Variants in LYPD6B observed in about 807,000 individuals in gnomAD.
The protein encoded by LYPD6B is ly6/PLAUR domain-containing protein 6B.
Under a neutral mutation model 22.8 loss-of-function variants are expected in LYPD6B, and 17 were observed. The observed-to-expected ratio is 0.75, with a 90% CI of 0.51 to 1.12. The LOEUF (loss-of-function observed/expected upper bound fraction) is 1.12, where lower values mean the gene tolerates loss of function less well. Ranked by LOEUF, LYPD6B falls within the 50% of genes most tolerant of loss-of-function variation. The probability of loss-of-function intolerance (pLI) is 0.00; values close to 1 mark genes in which losing one functional copy is unlikely to be tolerated. For missense variants in LYPD6B, 221 were observed against 258.3 expected (o/e 0.86, Z 0.99); for synonymous variants, 106 against 91.6 (o/e 1.16, Z -0.90).
intron 2 of LYPD6B, among the ~76,000 whole-genome samples, chr2:149,143,310 G>A (rs678484): frequency 6.6e-6 from 1 of 150,552 alleles, no homozygotes; most frequent in African/African-American, 2.4e-5. Context: ...TTCTTGGCTC[G>A]TTGTATGTAA....
chr2:149,212,380 C>CAAAAAAAAAAA (rs386391473), intron 5 of LYPD6B, among the ~76,000 whole-genome samples: 19 of 60,128 alleles, frequency 3.2e-4, no homozygotes, highest in African/African-American at 9.0e-4. Context: ...GACTCCGTCT[C>CAAAAAAAAAAA]AAAAAAAAAA....
chr2:149,206,100 G>A lies in LYPD6B; in HGVS notation c.229+696G>A, dbSNP rs140889720. On this transcript the variant is annotated intron_variant, in intron 4 of 6. Transcript: ENST00000409642. ...TTATTTGGTATACATGTGGGTACCT[G>A]TAGTTCCCACGCCTGGAAGAGTATC... 28 of 437,244 alleles carry A rather than the reference G, an allele frequency of 6.4e-5. No homozygotes were observed. In the East Asian group the frequency reaches 1.5e-3, roughly 24 times the overall value. The allele number at this position is 437,244 out of a possible 1,614,324, so 27.1% of individuals were successfully genotyped here.
At chr2:149,102,969 A>T (rs769110682) in intron 1 of LYPD6B, among the ~76,000 whole-genome samples, 7 of 152,110 alleles carry the variant, frequency 4.6e-5, no homozygotes, top group South Asian at 2.1e-4. Flanking sequence ...GGGTCCTTTT[A>T]TATGTCCCTC....
intron 5 of LYPD6B, 86 bp downstream of exon 5, chr2:149,208,498 G>A (rs1693643891): frequency 2.6e-6 from 3 of 1,141,178 alleles, no homozygotes; most frequent in Non-Finnish European, 3.9e-6. Context: ...GGAATCAGAT[G>A]TATTTTTTTC....
rs1182682834 is a variant in LYPD6B at position 149,165,947 on chromosome 2, C to A, written c.77+5112C>A. ...AATGGTTCTGTCACATTATAGGAGACCCTAATTAGATGTAATAAAGACACT... is the reference window on the plus strand; with the variant it reads ...AATGGTTCTGTCACATTATAGGAGAACCTAATTAGATGTAATAAAGACACT... On this transcript the variant is annotated intron_variant, in intron 3 of 6. Transcript: ENST00000409642. 4.4e-4 allele frequency among the ~76,000 whole-genome samples: 67 copies of A among 152,124 alleles called. 2 individuals carry two copies. Among genetic ancestry groups the A allele is most frequent in the Non-Finnish European group, 2.9e-5 (2 of 68,024 alleles).
intron 1 of LYPD6B, among the ~76,000 whole-genome samples, chr2:149,125,620 A>G (rs1359862300): frequency 6.6e-6 from 1 of 152,160 alleles, no homozygotes; most frequent in Non-Finnish European, 1.5e-5. Flanking sequence ...TAAAGTTGGT[A>G]TCCTAACCCC....
chr2:149,178,770 A>C (rs1691502449), intron 3 of LYPD6B, among the ~76,000 whole-genome samples: 2 of 152,198 alleles, frequency 1.3e-5, no homozygotes, highest in African/African-American at 4.8e-5. Context: ...CAAATGATGC[A>C]TCCCTGTACT....
chr2:149,111,952 T>G (rs1686777919), intron 1 of LYPD6B, among the ~76,000 whole-genome samples: 1 of 152,152 alleles, frequency 6.6e-6, no homozygotes, highest in Non-Finnish European at 1.5e-5. Flanking sequence ...CTATGTCAAT[T>G]GCTGCTCAAA....
intron 3 of LYPD6B, 143 bp downstream of exon 3, chr2:149,160,978 CCTCACTG>C (rs1690029007): frequency 1.5e-6 from 1 of 662,454 alleles, no homozygotes; most frequent in East Asian, 2.7e-5. Context: ...CATCCTAAGC[CCTCACTG>C]CTCACTGTGA....
intron 2 of LYPD6B, among the ~76,000 whole-genome samples, chr2:149,148,301 A>G (rs1288522368): frequency 6.6e-6 from 1 of 152,194 alleles, no homozygotes; most frequent in Non-Finnish European, 1.5e-5. Flanking sequence ...TTGGATTTGG[A>G]CAAATTGGAG....
At chr2:149,061,815 A>G (rs554839905) in intron 1 of LYPD6B, among the ~76,000 whole-genome samples, 1 of 152,200 alleles carries the variant, frequency 6.6e-6, no homozygotes, top group South Asian at 2.1e-4. Context: ...ATTTGAGAAT[A>G]TAAGTACATT....
At chr2:149,103,333 T>G (rs1395533415) in intron 1 of LYPD6B, among the ~76,000 whole-genome samples, 1 of 152,168 alleles carries the variant, frequency 6.6e-6, no homozygotes, top group Non-Finnish European at 1.5e-5. Context: ...AAACAATTAG[T>G]TTAGACTATT....
chr2:149,069,221 AC>A (rs1684484831), intron 1 of LYPD6B, among the ~76,000 whole-genome samples: 1 of 151,938 alleles, frequency 6.6e-6, no homozygotes, highest in Non-Finnish European at 1.5e-5. Context: ...CAGAATTATG[AC>A]TAGTCATTAA....
chr2:149,197,584 A>G (rs569860781), intron 3 of LYPD6B, among the ~76,000 whole-genome samples: 8 of 152,328 alleles, frequency 5.3e-5, no homozygotes, highest in African/African-American at 1.9e-4. Context: ...TGTTATTCAT[A>G]TGTTGCTTGG....
Position 149,091,054 on chromosome 2 carries a change from T to A in LYPD6B, c.-66-39829T>A, listed in dbSNP as rs568977983. 3.0e-3 allele frequency among the ~76,000 whole-genome samples: 454 copies of A among 152,324 alleles called. 1 individual carries two copies. The highest frequency in any genetic ancestry group is 4.1e-3 in the Non-Finnish European group (281 of 68,016). On this transcript the variant is annotated intron_variant, in intron 1 of 6. Coordinates refer to ENST00000409642, the MANE Select transcript of LYPD6B (RefSeq NM_177964.5). ...GTGATTATACACAGACTAAAGTAGG[T>A]CTCACTTCTTGATGTCTTATGTCTA...
At chr2:149,081,081 G>C (rs1346885330) in intron 1 of LYPD6B, among the ~76,000 whole-genome samples, 1 of 152,184 alleles carries the variant, frequency 6.6e-6, no homozygotes, top group Admixed American at 6.5e-5. Context: ...GCCTGGTGCT[G>C]TAAACAGATG....
rs372425679 is a variant in LYPD6B, at chr2:149,100,757, G to T, written c.-66-30126G>T. 2.0e-5 allele frequency among the ~76,000 whole-genome samples: 3 copies of T among 152,146 alleles called. No individual in the cohort carries two copies. In the East Asian group the frequency reaches 5.8e-4, roughly 29 times the overall value. On this transcript the variant is annotated intron_variant, in intron 1 of 6. Coordinates refer to ENST00000409642, the MANE Select transcript of LYPD6B (RefSeq NM_177964.5). Reference sequence around the variant, plus strand: ...GGCTTTATGTAAGCTATTGTAAAAGGCTAAACAAATTCACCTTTGAACTTA... The same window carrying T: ...GGCTTTATGTAAGCTATTGTAAAAGTCTAAACAAATTCACCTTTGAACTTA...
intron 1 of LYPD6B, among the ~76,000 whole-genome samples, chr2:149,039,437 G>C (rs188467917): frequency 2.6e-5 from 4 of 152,306 alleles, no homozygotes; most frequent in South Asian, 4.1e-4. Flanking sequence ...GTGGCGTTTG[G>C]GGGGAGCTGG....
intron 1 of LYPD6B, among the ~76,000 whole-genome samples, chr2:149,076,607 A>G (rs548255145): frequency 6.6e-6 from 1 of 152,314 alleles, no homozygotes; most frequent in African/African-American, 2.4e-5. Flanking sequence ...AATAATATTT[A>G]GGGTATGTTT....
Sources: gnomAD v4.1 joint callset for allele counts (sites outside exome capture counted in the v4.1 genomes callset) on GRCh38, gnomAD v4.1.1 for gene constraint, MANE v1.5 for transcripts, NCBI Gene and HGNC (gene_info 2026-07-23, HGNC 2026-07-21) for gene names.